The following PMS1 variants were observed in gnomAD, a reference collection of about 807,000 sequenced individuals.
The protein encoded by PMS1 is PMS1 protein homolog 1.
In PMS1, 79 loss-of-function variants were observed where a neutral mutation model predicts 93.1. The ratio of observed to expected loss-of-function variants is 0.85; its 90% CI spans 0.71 to 1.02. The LOEUF (loss-of-function observed/expected upper bound fraction) is 1.02. Among genes scored for constraint, PMS1 ranks in the 50% least tolerant of loss-of-function variants. The probability of loss-of-function intolerance (pLI) is 0.00; values close to 1 mark genes in which losing one functional copy is unlikely to be tolerated. For missense variants in PMS1, 1,064 were observed against 1,085.3 expected (o/e 0.98, Z 0.28); for synonymous variants, 335 against 363.4 (o/e 0.92, Z 0.89).
intron 2 of PMS1, among the ~76,000 whole-genome samples, chr2:189,793,844 A>T (rs1008040245): frequency 6.6e-6 from 1 of 152,240 alleles, no homozygotes; most frequent in African/African-American, 2.4e-5. Flanking sequence ...TTATGGTTTT[A>T]TGCTATAATA....
chr2:189,810,718 G>A (rs1454699588), intron 4 of PMS1, among the ~76,000 whole-genome samples: 1 of 152,114 alleles, frequency 6.6e-6, no homozygotes, highest in Non-Finnish European at 1.5e-5. Context: ...TGAAACCAAA[G>A]ACATTTGAAC....
chr2:189,785,304 A>C (rs1052197179), intron 1 of PMS1: 12 of 152,136 alleles, frequency 7.9e-5, no homozygotes, highest in South Asian at 6.2e-4. Flanking sequence ...TGTTCTCTCT[A>C]ATGGAAGTCT....
intron 4 of PMS1, among the ~76,000 whole-genome samples, chr2:189,812,976 T>G (rs1412581109): frequency 6.6e-6 from 1 of 152,244 alleles, no homozygotes; most frequent in African/African-American, 2.4e-5. Flanking sequence ...AGACGATTGA[T>G]ATCATGTTAT....
At chr2:189,828,245 T>A (rs776073083) in intron 5 of PMS1, among the ~76,000 whole-genome samples, 7 of 152,272 alleles carry the variant, frequency 4.6e-5, no homozygotes, top group South Asian at 2.1e-4. Context: ...AGTTCTTATA[T>A]TCTGTCACAC....
At chr2:189,796,600 A>C (rs1242192153) in intron 3 of PMS1, among the ~76,000 whole-genome samples, 1 of 152,146 alleles carries the variant, frequency 6.6e-6, no homozygotes, top group Non-Finnish European at 1.5e-5. Context: ...TCTAGGTATC[A>C]CATATAAGTG....
rs547257207 is a variant in PMS1 at position 189,834,529 on chromosome 2, G to A, written c.583-9435G>A. On this transcript the variant is annotated intron_variant, in intron 5 of 12. Coordinates refer to ENST00000441310, the MANE Select transcript of PMS1 (RefSeq NM_000534.5). ...TGTTAAGAATGTGGAAAATGATCTC[G>A]TTGTCTGGCAAGTTACACAAGGAAT... Among the ~76,000 whole-genome samples, 11 of 152,268 alleles carry A rather than the reference G, an allele frequency of 7.2e-5. No homozygotes were observed. In the East Asian group the frequency reaches 7.7e-4, roughly 11 times the overall value.
intron 4 of PMS1, 107 bp downstream of exon 4, chr2:189,805,861 G>C (rs1217680116): frequency 3.2e-6 from 5 of 1,556,230 alleles, no homozygotes; most frequent in Non-Finnish European, 4.4e-6. Flanking sequence ...CTTTGGGCTT[G>C]GTCCTGATAA....
In PMS1 at chr2:189,831,628, A is replaced by G. The variant is rs149885492; in HGVS notation, c.583-12336A>G. 2.6e-5 allele frequency among the ~76,000 whole-genome samples: 4 copies of G among 152,342 alleles called. No individual in the cohort carries two copies. The East Asian group carries it at 7.7e-4, about 29-fold the overall frequency. ...CTCCTATAATGTATTACCTTCATGA[A>G]TTACACTGACATAATTTTGATTTTA... On this transcript the variant is annotated intron_variant, in intron 5 of 12. Coordinates refer to ENST00000441310, the MANE Select transcript of PMS1 (RefSeq NM_000534.5).
At chr2:189,840,464 G>A (rs2053732213) in intron 5 of PMS1, among the ~76,000 whole-genome samples, 1 of 152,106 alleles carries the variant, frequency 6.6e-6, no homozygotes, top group South Asian at 2.1e-4. Context: ...AAACTTATAG[G>A]CCAAATGTAA....
intron 3 of PMS1, 129 bp from the exon 4 acceptor site, chr2:189,805,523 T>C (rs890364937): frequency 1.5e-5 from 12 of 785,602 alleles, no homozygotes; most frequent in East Asian, 2.6e-5. Flanking sequence ...AAAGAACTGG[T>C]CACAAATGTT....
At chr2:189,808,826 T>C (rs774571580) in intron 4 of PMS1, among the ~76,000 whole-genome samples, 8 of 152,148 alleles carry the variant, frequency 5.3e-5, no homozygotes, top group Non-Finnish European at 8.8e-5. Flanking sequence ...AAAAGAAAAA[T>C]AGAAATACAT....
intron 5 of PMS1, among the ~76,000 whole-genome samples, chr2:189,818,453 A>T (rs1294077393): frequency 1.3e-5 from 2 of 152,174 alleles, no homozygotes; most frequent in Non-Finnish European, 2.9e-5. Flanking sequence ...ACCACCTATG[A>T]ACCAGAAAGT....
chr2:189,786,714 A>G (rs4666785), intron 1 of PMS1, among the ~76,000 whole-genome samples: 142,505 of 152,308 alleles, frequency 0.94, 66,772 homozygotes, highest in East Asian at 0.97. Flanking sequence ...TAAAATTCTC[A>G]TGTTGGCTAT....
intron 3 of PMS1, 140 bp from the exon 4 acceptor site, chr2:189,805,512 A>G: frequency 1.3e-6 from 1 of 752,290 alleles, no homozygotes; most frequent in Non-Finnish European, 2.3e-6. Flanking sequence ...GGAATATTAC[A>G]AAAGAACTGG....
At chr2:189,862,766 G>A (rs1196811216) in intron 9 of PMS1, among the ~76,000 whole-genome samples, 3 of 152,186 alleles carry the variant, frequency 2.0e-5, no homozygotes, top group East Asian at 3.9e-4. Flanking sequence ...ATCCTAAGAT[G>A]TGGCCCTCTT....
chr2:189,870,573 A>G (rs1041796931), intron 11 of PMS1, among the ~76,000 whole-genome samples: 2 of 152,212 alleles, frequency 1.3e-5, no homozygotes, highest in Non-Finnish European at 2.9e-5. Flanking sequence ...AAGTTAAAAT[A>G]TTGCTCAATT....
At chr2:189,860,053 G>T (rs888718282) in intron 9 of PMS1, among the ~76,000 whole-genome samples, 2 of 151,952 alleles carry the variant, frequency 1.3e-5, no homozygotes, top group African/African-American at 4.8e-5. Context: ...ATTGTTTGTG[G>T]CCCCACACTT....
intron 6 of PMS1, among the ~76,000 whole-genome samples, chr2:189,846,207 C>T (rs755715370): frequency 1.4e-4 from 21 of 151,708 alleles, no homozygotes; most frequent in Non-Finnish European, 2.5e-4. Context: ...GACCCTGTCT[C>T]TAAAAATAAA....
At chr2:189,858,827 G>A (rs975825491) in intron 9 of PMS1, among the ~76,000 whole-genome samples, 2 of 152,092 alleles carry the variant, frequency 1.3e-5, no homozygotes, top group African/African-American at 4.8e-5. Flanking sequence ...TTTTAATGTA[G>A]TTTACAGTGA....
Sources: gnomAD v4.1 joint callset for allele counts (sites outside exome capture counted in the v4.1 genomes callset) on GRCh38, gnomAD v4.1.1 for gene constraint, MANE v1.5 for transcripts, NCBI Gene and HGNC (gene_info 2026-07-23, HGNC 2026-07-21) for gene names.